Variants in MYO3B observed in about 807,000 individuals in gnomAD.
MYO3B encodes myosin IIIB.
A neutral mutation model predicts 174.6 loss-of-function variants in MYO3B; 156 were observed. The ratio of observed to expected loss-of-function variants is 0.89; its 90% CI spans 0.78 to 1.02. The LOEUF is 1.02. MYO3B is among the 50% of genes least tolerant of loss of function. The probability of loss-of-function intolerance (pLI) is 0.00; values close to 1 mark genes in which losing one functional copy is unlikely to be tolerated. For missense variants in MYO3B, 1,632 were observed against 1,639.4 expected (o/e 1.00, Z 0.08); for synonymous variants, 563 against 569.1 (o/e 0.99, Z 0.15).
At chr2:170,295,982 GT>G (rs1180221004) in intron 7 of MYO3B, among the ~76,000 whole-genome samples, 3 of 152,168 alleles carry the variant, frequency 2.0e-5, no homozygotes, top group Admixed American at 6.5e-5. Flanking sequence ...TCCTAAACCT[GT>G]AGCAGCCTAC....
chr2:170,319,191 T>C (rs949137045), intron 7 of MYO3B, among the ~76,000 whole-genome samples: 2 of 152,208 alleles, frequency 1.3e-5, no homozygotes, highest in African/African-American at 2.4e-5. Flanking sequence ...TAGGCACTTG[T>C]AGTATTTGCA....
chr2:170,237,149 C>A (rs1413869231), intron 7 of MYO3B, among the ~76,000 whole-genome samples: 1 of 152,150 alleles, frequency 6.6e-6, no homozygotes, highest in South Asian at 2.1e-4. Flanking sequence ...CAGGTCACAG[C>A]GATTAGAGGA....
At chr2:170,264,573 A>G (rs2093368903) in intron 7 of MYO3B, among the ~76,000 whole-genome samples, 1 of 152,200 alleles carries the variant, frequency 6.6e-6, no homozygotes, top group South Asian at 2.1e-4. Context: ...TCAATCTGCC[A>G]CGTGCTGGTT....
chr2:170,646,879 C>A, intron 32 of MYO3B: 1 of 1,331,536 alleles, frequency 7.5e-7, no homozygotes, highest in South Asian at 1.2e-5. Context: ...ATCTCGTTTT[C>A]TAACTATATT....
intron 28 of MYO3B, among the ~76,000 whole-genome samples, chr2:170,505,766 A>G (rs1480698585): frequency 6.6e-6 from 1 of 152,262 alleles, no homozygotes; most frequent in Non-Finnish European, 1.5e-5. Context: ...TGCCCTTTGA[A>G]TAGGTGACAG....
At chr2:170,486,599 C>T (rs1247490490) in intron 25 of MYO3B, among the ~76,000 whole-genome samples, 2 of 152,210 alleles carry the variant, frequency 1.3e-5, no homozygotes, top group African/African-American at 4.8e-5. Flanking sequence ...CCGTGCCTGG[C>T]TTAGAATCCA....
At chr2:170,503,125 A>G (rs540751096) in intron 28 of MYO3B, among the ~76,000 whole-genome samples, 1 of 152,298 alleles carries the variant, frequency 6.6e-6, no homozygotes, top group South Asian at 2.1e-4. Context: ...TACCAAACTG[A>G]TTTCTGATCT....
At chr2:170,496,340 G>C (rs1458886516) in intron 25 of MYO3B, among the ~76,000 whole-genome samples, 1 of 152,164 alleles carries the variant, frequency 6.6e-6, no homozygotes, top group Non-Finnish European at 1.5e-5. Context: ...TGGCAGGGGG[G>C]AGGGATATCT....
At chr2:170,559,240 A>G (rs1386320288) in intron 32 of MYO3B, among the ~76,000 whole-genome samples, 1 of 152,202 alleles carries the variant, frequency 6.6e-6, no homozygotes, top group Non-Finnish European at 1.5e-5. Context: ...GGCACAGGCT[A>G]TTCTTAAGGG....
chr2:170,268,625 A>C (rs1021477969), intron 7 of MYO3B, among the ~76,000 whole-genome samples: 3 of 152,206 alleles, frequency 2.0e-5, no homozygotes, highest in African/African-American at 4.8e-5. Flanking sequence ...TTTAAAATGC[A>C]AGTCATATTT....
At chr2:170,272,767 G>T (rs1352156564) in intron 7 of MYO3B, among the ~76,000 whole-genome samples, 1 of 152,134 alleles carries the variant, frequency 6.6e-6, no homozygotes, top group Non-Finnish European at 1.5e-5. Flanking sequence ...GACAAGTTTG[G>T]CCCTTTTCTG....
intron 28 of MYO3B, among the ~76,000 whole-genome samples, chr2:170,506,539 T>C (rs1687632411): frequency 6.6e-6 from 1 of 152,214 alleles, no homozygotes; most frequent in South Asian, 2.1e-4. Flanking sequence ...GCTCCCACGG[T>C]AAACAATGAG....
intron 6 of MYO3B, among the ~76,000 whole-genome samples, chr2:170,232,907 G>T (rs990824334): frequency 4.6e-5 from 7 of 152,184 alleles, no homozygotes; most frequent in Non-Finnish European, 1.5e-5. Flanking sequence ...GAAGAATTAG[G>T]CCAAGATATG....
At chr2:170,312,815 T>A (rs781290968) in intron 7 of MYO3B, among the ~76,000 whole-genome samples, 2 of 152,212 alleles carry the variant, frequency 1.3e-5, no homozygotes, top group Non-Finnish European at 2.9e-5. Flanking sequence ...TTTGGGGGCA[T>A]GTTTCCCTAC....
chr2:170,552,562 TAAAC>T (rs1489882484), intron 32 of MYO3B, among the ~76,000 whole-genome samples: 1 of 152,130 alleles, frequency 6.6e-6, no homozygotes. Context: ...CTCATTTACA[TAAAC>T]AAAGAAATGA....
intron 14 of MYO3B, among the ~76,000 whole-genome samples, chr2:170,391,123 G>A (rs1395968560): frequency 1.3e-5 from 2 of 152,090 alleles, no homozygotes; most frequent in Non-Finnish European, 2.9e-5. Context: ...GAGACTTGCA[G>A]GCCACTTCCT....
chr2:170,286,315 T>C (rs1303739086), intron 7 of MYO3B, among the ~76,000 whole-genome samples: 2 of 152,156 alleles, frequency 1.3e-5, no homozygotes, highest in Non-Finnish European at 1.5e-5. Flanking sequence ...AGATGCCTTC[T>C]ACATCTGATT....
chr2:170,381,916 C>G, intron 9 of MYO3B, 100 bp from the exon 10 acceptor site: 1 of 961,946 alleles, frequency 1.0e-6, no homozygotes, highest in Non-Finnish European at 1.6e-6. Context: ...AGTCTCTGAA[C>G]ATATCACGTG....
chr2:170,623,541 G>T (rs891067987), intron 32 of MYO3B, among the ~76,000 whole-genome samples: 7 of 152,080 alleles, frequency 4.6e-5, no homozygotes, highest in African/African-American at 1.7e-4. Context: ...CACTCTGATG[G>T]TAGTTTCTTT....
Sources: allele counts gnomAD v4.1 joint callset (sites outside exome capture counted in the v4.1 genomes callset), GRCh38; gene constraint gnomAD v4.1.1; transcripts MANE v1.5; gene names NCBI Gene and HGNC (gene_info 2026-07-23, HGNC 2026-07-21).